Variants in FAM81A observed in about 807,000 individuals in gnomAD.
FAM81A encodes protein FAM81A.
FAM81A carries 19 observed loss-of-function variants against 46.7 expected under a neutral mutation model. That is an observed-to-expected ratio of 0.41 (90% CI 0.28 to 0.60). The LOEUF is 0.60. FAM81A is among the 20% of genes least tolerant of loss of function. The pLI, the probability that FAM81A is intolerant of heterozygous loss-of-function variation, is 0.34. For synonymous variants in FAM81A, 183 were observed against 152.9 expected, an observed-to-expected ratio of 1.20 and a Z score of -1.45; for missense variants, 377 against 453.5, an observed-to-expected ratio of 0.83 and a Z score of 1.53.
intron 6 of FAM81A, among the ~76,000 whole-genome samples, chr15:59,509,900 T>C (rs2082187063): frequency 1.3e-5 from 2 of 152,064 alleles, no homozygotes; most frequent in South Asian, 4.1e-4. Context: ...GCAGTTGTGA[T>C]TTTTTGTGAC....
At chr15:59,517,590 T>A (rs775314397) in intron 8 of FAM81A, among the ~76,000 whole-genome samples, 1 of 152,178 alleles carries the variant, frequency 6.6e-6, no homozygotes, top group East Asian at 1.9e-4. Context: ...CTTCTTCCAG[T>A]TGTATGATTC....
At chr15:59,498,246 A>G (rs1377037430) in intron 4 of FAM81A, among the ~76,000 whole-genome samples, 2 of 152,258 alleles carry the variant, frequency 1.3e-5, no homozygotes, top group African/African-American at 2.4e-5. Context: ...TTTTAAAAGT[A>G]TAAATTTCAC....
intron 3 of FAM81A, among the ~76,000 whole-genome samples, chr15:59,479,519 G>GAAAAAAAAAAAAAAAAAAAAAAAA (rs57107735): frequency 9.6e-5 from 7 of 72,676 alleles, no homozygotes; most frequent in African/African-American, 2.3e-4. Context: ...TCAAAAATAA[G>GAAAAAAAAAAAAAAAAAAAAAAAA]AAAAAAAAAA....
intron 3 of FAM81A, among the ~76,000 whole-genome samples, chr15:59,490,608 G>C (rs1470530263): frequency 6.6e-6 from 1 of 152,094 alleles, no homozygotes; most frequent in African/African-American, 2.4e-5. Flanking sequence ...GAGGTGGGTG[G>C]ATTACTTGAA....
intron 3 of FAM81A, among the ~76,000 whole-genome samples, chr15:59,489,304 TAC>T (rs1279163608): frequency 3.3e-5 from 5 of 150,826 alleles, no homozygotes; most frequent in Admixed American, 6.6e-5. Flanking sequence ...CATACATACA[TAC>T]ATACATATAT....
rs112296653 is a variant in FAM81A at position 59,418,530 on chromosome 15, C to G, written c.-78+16172C>G. On this transcript the variant is annotated intron_variant, in intron 2 of 4. Coordinates refer to the FAM81A transcript ENST00000558348. ...AATCTGGTCTAATCAATAGCTCGAT[C>G]CAGGTTATGAAGGTGTTTCCCAAGC... is the stretch of plus-strand genomic sequence containing the variant. Among the ~76,000 whole-genome samples the G allele has an allele frequency of 3.7e-3, 559 of 152,292 alleles. 4 individuals carry two copies. Among genetic ancestry groups the G allele is most frequent in the African/African-American group, 0.013 (536 of 41,552 alleles).
chr15:59,510,545 G>C (rs542040655), intron 6 of FAM81A, among the ~76,000 whole-genome samples: 15 of 151,984 alleles, frequency 9.9e-5, no homozygotes, highest in African/African-American at 3.6e-4. Context: ...GGGTGAGAAG[G>C]TGGTCTGGTA....
chr15:59,414,433 C>A (rs1057302591), intron 2 of FAM81A, among the ~76,000 whole-genome samples: 2 of 152,122 alleles, frequency 1.3e-5, no homozygotes, highest in African/African-American at 4.8e-5. Context: ...AAAGGGAATA[C>A]CCCCAAAACC....
At chr15:59,511,672 G>A (rs572698029) in intron 6 of FAM81A, among the ~76,000 whole-genome samples, 21 of 152,284 alleles carry the variant, frequency 1.4e-4, no homozygotes, top group African/African-American at 5.1e-4. Context: ...TTTATTTTGA[G>A]ATGGAGTCTT....
intron 2 of FAM81A, among the ~76,000 whole-genome samples, chr15:59,410,930 T>C (rs2081117706): frequency 6.6e-6 from 1 of 152,128 alleles, no homozygotes; most frequent in Non-Finnish European, 1.5e-5. Flanking sequence ...TTTGTATTTT[T>C]AGTAGAGACG....
At chr15:59,461,935 G>T (rs1380576771) in intron 3 of FAM81A, among the ~76,000 whole-genome samples, 1 of 152,116 alleles carries the variant, frequency 6.6e-6, no homozygotes. Flanking sequence ...AGGGCGCGGT[G>T]GCTCATGCCT....
chr15:59,432,968 T>C (rs1337562583), intron 2 of FAM81A, among the ~76,000 whole-genome samples: 7 of 122,968 alleles, frequency 5.7e-5, no homozygotes, highest in Non-Finnish European at 1.1e-4. Context: ...ACCCCGTCTC[T>C]ATTAAAAAAA....
At position 59,508,913 on chromosome 15, in the gene FAM81A, C is replaced by A; in HGVS notation, c.594C>A (p.Thr198=). The change falls in exon 6 of 9, where the codon ACC becomes ACA. Residue 198 remains threonine (T), a synonymous_variant. Transcript: ENST00000288228. ...RVDLSISEQS[T]KLKMSHRDSN... is the part of the protein sequence containing the mutation. The stretch of plus-strand genomic sequence containing the variant: ...ACTTGTCAATATCAGAGCAGAGCAC[C>A]AAACTGAAGATGTCTCACAGAGACA... The A allele has an allele frequency of 6.2e-7, 1 of 1,613,320 alleles. No individual in the cohort carries two copies. The highest frequency in any genetic ancestry group is 1.1e-5 in the South Asian group (1 of 91,038).
intron 2 of FAM81A, among the ~76,000 whole-genome samples, chr15:59,409,648 G>A (rs12593978): frequency 0.34 from 52,120 of 151,922 alleles, 9,592 homozygotes; most frequent in East Asian, 0.53. Context: ...TTCTTTACAA[G>A]TTTCTGTAGG....
At chr15:59,471,097 G>C (rs1296043551) in intron 3 of FAM81A, among the ~76,000 whole-genome samples, 1 of 152,048 alleles carries the variant, frequency 6.6e-6, no homozygotes, top group Non-Finnish European at 1.5e-5. Context: ...TTACAGACAT[G>C]AGTCACCACA....
At chr15:59,404,491 C>T (rs768829594) in intron 2 of FAM81A, among the ~76,000 whole-genome samples, 2 of 152,104 alleles carry the variant, frequency 1.3e-5, no homozygotes, top group African/African-American at 2.4e-5. Flanking sequence ...GACACAGTCT[C>T]GCTCTGTTGC....
chr15:59,461,164 A>G (rs529529453), intron 3 of FAM81A, among the ~76,000 whole-genome samples: 1 of 152,200 alleles, frequency 6.6e-6, no homozygotes, highest in African/African-American at 2.4e-5. Flanking sequence ...TTTGCAGTCA[A>G]TTCCTACTTC....
Position 59,514,271 on chromosome 15 carries a change from GC to G in FAM81A, c.651-17del. The G allele has an allele frequency of 6.5e-7, 1 of 1,549,206 alleles. No individual in the cohort carries two copies. Among genetic ancestry groups the G allele is most frequent in the Non-Finnish European group, 8.7e-7 (1 of 1,151,000 alleles). On this transcript the variant is annotated splice_polypyrimidine_tract_variant and intron_variant, in intron 6 of 8. Transcript: ENST00000288228. Reference sequence around the variant, plus strand: ...AAATAAACTGTTTTACATCTAACTTGCAATTTTTTTTTTTTAGATTTAAAGG... The same window carrying G: ...AAATAAACTGTTTTACATCTAACTTGAATTTTTTTTTTTTAGATTTAAAGG...
chr15:59,421,200 G>A (rs2081169446), intron 2 of FAM81A, among the ~76,000 whole-genome samples: 1 of 152,176 alleles, frequency 6.6e-6, no homozygotes, highest in South Asian at 2.1e-4. Context: ...AGAGGGGCTC[G>A]TGTTCTTGTG....
Sources: gnomAD v4.1 joint callset for allele counts (sites outside exome capture counted in the v4.1 genomes callset) on GRCh38, gnomAD v4.1.1 for gene constraint, MANE v1.5 for transcripts, NCBI Gene and HGNC (gene_info 2026-07-23, HGNC 2026-07-21) for gene names.